Variants in NCOR2 observed in about 807,000 individuals in gnomAD.
NCOR2 encodes nuclear receptor corepressor 2.
NCOR2 carries 81 observed loss-of-function variants against 262.9 expected under a neutral mutation model. That is an observed-to-expected ratio of 0.31 (90% CI 0.26 to 0.37). The LOEUF (loss-of-function observed/expected upper bound fraction) is 0.37. Among genes scored for constraint, NCOR2 ranks in the 10% least tolerant of loss-of-function variants. NCOR2 has a pLI of 1.00. For missense variants in NCOR2, 3,385 were observed against 3,621.4 expected (o/e 0.93, Z 1.68); for synonymous variants, 1,659 against 1,559.3 (o/e 1.06, Z -1.51).
intron 34 of NCOR2, among the ~76,000 whole-genome samples, chr12:124,341,060 T>C (rs1224023902): frequency 6.6e-6 from 1 of 152,206 alleles, no homozygotes; most frequent in East Asian, 1.9e-4. Flanking sequence ...ATCCATTCCC[T>C]GTATTCAATC....
At chr12:124,395,580 G>A (rs542610305) in intron 16 of NCOR2, among the ~76,000 whole-genome samples, 6 of 152,274 alleles carry the variant, frequency 3.9e-5, no homozygotes, top group African/African-American at 9.6e-5. Flanking sequence ...GGTGGGACAC[G>A]GGCTCCTCTC....
intron 8 of NCOR2, among the ~76,000 whole-genome samples, chr12:124,433,837 C>G (rs1315032723): frequency 1.3e-5 from 2 of 149,848 alleles, no homozygotes; most frequent in African/African-American, 4.9e-5. Context: ...CCCTCCCTCT[C>G]TCTGTCTTAC....
At chr12:124,527,740 C>T (rs747001494) in intron 1 of NCOR2, among the ~76,000 whole-genome samples, 5 of 152,204 alleles carry the variant, frequency 3.3e-5, no homozygotes, top group Admixed American at 6.5e-5. Flanking sequence ...TAAATTATAA[C>T]ATGTGAAGTG....
chr12:124,425,997 AAAC>A (rs566389688), intron 11 of NCOR2, among the ~76,000 whole-genome samples: 18 of 152,348 alleles, frequency 1.2e-4, no homozygotes, highest in African/African-American at 3.8e-4. Flanking sequence ...GTCAAAGACA[AAAC>A]AAAATAGAAA....
chr12:124,420,620 T>C (rs966460342), intron 12 of NCOR2, among the ~76,000 whole-genome samples: 1 of 152,248 alleles, frequency 6.6e-6, no homozygotes, highest in Admixed American at 6.5e-5. Context: ...CCTTGGTCTT[T>C]TCCATGTAGA....
At chr12:124,393,161 G>C (rs2041427443) in intron 16 of NCOR2, among the ~76,000 whole-genome samples, 1 of 152,236 alleles carries the variant, frequency 6.6e-6, no homozygotes, top group Non-Finnish European at 1.5e-5. Flanking sequence ...GCTGGGTCAG[G>C]CTTCCAAGCC....
chr12:124,374,588 C>T (rs1305462874), intron 18 of NCOR2, 125 bp from the exon 21 acceptor site: 2 of 905,456 alleles, frequency 2.2e-6, no homozygotes, highest in Non-Finnish European at 3.5e-6. Flanking sequence ...CGCTGCTGCT[C>T]GCTCTCCTGC....
At chr12:124,486,508 C>T (rs763550166) in exon 2 of NCOR2, 35 of 1,608,070 alleles carry the variant, frequency 2.2e-5, no homozygotes, top group South Asian at 5.5e-5. Context: ...ATGATGGAGC[C>T]GGGCGACAGG....
In NCOR2 at chr12:124,531,942, C is replaced by G. The variant is rs552401248; in HGVS notation, c.-118+3623G>C. On this transcript the variant is annotated intron_variant, in intron 1 of 46. Coordinates refer to the NCOR2 transcript ENST00000404621. This position sits in a 1 kb window ranked among gnomAD's most constrained non-coding sequence, Gnocchi z 4.5. Reference sequence around the variant, plus strand: ...AGAGTTTCGAGTCACGGGCAACCCACTTTTGGGGCCAGGGGCTCCCACAGC... The same window carrying G: ...AGAGTTTCGAGTCACGGGCAACCCAGTTTTGGGGCCAGGGGCTCCCACAGC... Among the ~76,000 whole-genome samples, 96 of 151,944 alleles carry G rather than the reference C, an allele frequency of 6.3e-4. No individual in the cohort carries two copies. The highest frequency in any genetic ancestry group is 2.1e-3 in the African/African-American group (87 of 41,422).
chr12:124,478,728 C>T (rs187362105), intron 3 of NCOR2, among the ~76,000 whole-genome samples: 1 of 151,780 alleles, frequency 6.6e-6, no homozygotes. Context: ...GACACAGAGA[C>T]GAAGACAGAC....
intron 1 of NCOR2, among the ~76,000 whole-genome samples, chr12:124,532,924 C>T (rs1203611106): frequency 1.7e-5 from 2 of 119,474 alleles, no homozygotes; most frequent in African/African-American, 6.1e-5. Context: ...AAGTCCCACT[C>T]CTCCTTCCCC....
At chr12:124,466,323 C>T (rs1247933387) in intron 4 of NCOR2, 37 bp from the exon 7 acceptor site, 2 of 1,583,898 alleles carry the variant, frequency 1.3e-6, no homozygotes, top group South Asian at 1.1e-5. Flanking sequence ...ATGAGCACCC[C>T]AGCGGGCGGA....
chr12:124,349,467 G>A (rs766834132), intron 28 of NCOR2, among the ~76,000 whole-genome samples: 1 of 152,170 alleles, frequency 6.6e-6, no homozygotes, highest in Non-Finnish European at 1.5e-5. Flanking sequence ...ATTAATCGCC[G>A]ATGTTTAAAC....
chr12:124,337,059 TG>T lies in NCOR2; in HGVS notation c.5808del (p.Lys1937ArgfsTer45). 1 of 1,491,168 alleles carries T rather than the reference TG, an allele frequency of 6.7e-7. No individual in the cohort carries two copies. Among genetic ancestry groups the T allele is most frequent in the Non-Finnish European group, 8.9e-7 (1 of 1,121,394 alleles). 92.4% of individuals were successfully genotyped at this position (1,491,168 alleles called of 1,614,324 possible). On this transcript the variant is annotated frameshift_variant, in exon 38 of 47. Coordinates refer to ENST00000405201, the Ensembl canonical transcript of NCOR2. LOFTEE classifies it high-confidence loss of function. ...GGCCGGGCGACCCGGGGGGCCTCCT[TG>T]GGCAGCAAGACGGGCTCCATGAGGG...
chr12:124,479,567 A>G (rs2047322386), intron 3 of NCOR2, among the ~76,000 whole-genome samples: 2 of 151,896 alleles, frequency 1.3e-5, no homozygotes, highest in Non-Finnish European at 2.9e-5. Flanking sequence ...GCGCACACAC[A>G]CGCACGCGCG....
chr12:124,358,878 G>A (rs1024950732), intron 22 of NCOR2, among the ~76,000 whole-genome samples: 2 of 152,228 alleles, frequency 1.3e-5, no homozygotes, highest in African/African-American at 4.8e-5. Flanking sequence ...GGAACTGACT[G>A]ACTGTCCCCA....
rs546842325 is a variant in NCOR2, at chr12:124,444,208, G to A, written c.815+5607C>T. On this transcript the variant is annotated intron_variant, in intron 7 of 46. Transcript: ENST00000405201. Reference sequence around the variant, plus strand: ...AATCTTTTCTGCTGAGCTTCTGTCCGGCAAGCATAAGGACCACAGTCTGTA... The same window carrying A: ...AATCTTTTCTGCTGAGCTTCTGTCCAGCAAGCATAAGGACCACAGTCTGTA... Among the ~76,000 whole-genome samples, 27 of 152,226 alleles carry A rather than the reference G, an allele frequency of 1.8e-4. No individual in the cohort carries two copies. The South Asian group carries it at 2.1e-3, about 12-fold the overall frequency.
intron 34 of NCOR2, among the ~76,000 whole-genome samples, chr12:124,341,016 C>G (rs912342378): frequency 6.6e-6 from 1 of 152,228 alleles, no homozygotes; most frequent in Non-Finnish European, 1.5e-5. Context: ...CATCTCAGGC[C>G]CTCTGTGCCC....
At chr12:124,399,846 A>T (rs1040180714) in intron 15 of NCOR2, among the ~76,000 whole-genome samples, 1 of 152,150 alleles carries the variant, frequency 6.6e-6, no homozygotes, top group African/African-American at 2.4e-5. Context: ...GAATCTTGGG[A>T]ACTGCCACTC....
Sources: allele counts gnomAD v4.1 joint callset (sites outside exome capture counted in the v4.1 genomes callset), GRCh38; gene constraint gnomAD v4.1.1; non-coding constraint Gnocchi (gnomAD v3.1); transcripts MANE v1.5; gene names NCBI Gene and HGNC (gene_info 2026-07-23, HGNC 2026-07-21).